CCDC167: variants seen among roughly 807,000 people sequenced by gnomAD.
CCDC167 encodes coiled-coil domain containing 167, also known as coiled-coil domain-containing protein 167.
In CCDC167, 15 loss-of-function variants were observed where a neutral mutation model predicts 12.7. The ratio of observed to expected loss-of-function variants is 1.18; its 90% confidence interval spans 0.79 to 1.81. The LOEUF (loss-of-function observed/expected upper bound fraction) is 1.81. CCDC167 is among the 40% of genes most tolerant of loss of function. The probability of loss-of-function intolerance (pLI) is 0.00; values close to 1 mark genes in which losing one functional copy is unlikely to be tolerated. For synonymous variants in CCDC167, 52 were observed against 49.0 expected (o/e 1.06, Z -0.26); for missense variants, 121 against 120.1 (o/e 1.01, Z -0.03).
chr6:37,491,979 C>T (rs548637939), intron 1 of CCDC167, among the ~76,000 whole-genome samples: 3 of 152,228 alleles, frequency 2.0e-5, no homozygotes, highest in East Asian at 3.9e-4. Flanking sequence ...CTCTGAGGGA[C>T]TCCTAGCTCC....
chr6:37,490,176 C>G (rs151021197), intron 1 of CCDC167, among the ~76,000 whole-genome samples: 139 of 152,302 alleles, frequency 9.1e-4, no homozygotes, highest in African/African-American at 3.2e-3. Context: ...GGCATCTGGC[C>G]CAGCCTGAGC....
At chr6:37,491,212 T>C (rs368135078) in intron 1 of CCDC167, among the ~76,000 whole-genome samples, 21 of 152,136 alleles carry the variant, frequency 1.4e-4, no homozygotes, top group African/African-American at 4.8e-4. Context: ...GTTGGGGGCC[T>C]CATATGCAGC....
At chr6:37,485,273 G>C in intron 1 of CCDC167, 79 bp from the exon 2 acceptor site, 1 of 1,118,512 alleles carries the variant, frequency 8.9e-7, no homozygotes, top group Admixed American at 1.8e-5. Flanking sequence ...CAGGGCCTCC[G>C]GGAGTCTTCT....
chr6:37,485,472 G>A (rs1761931097), intron 1 of CCDC167, among the ~76,000 whole-genome samples: 1 of 152,260 alleles, frequency 6.6e-6, no homozygotes, highest in Non-Finnish European at 1.5e-5. Context: ...CCAGCCCTCT[G>A]GGCCAAGCAC....
intron 2 of CCDC167, 68 bp downstream of exon 2, chr6:37,485,032 G>GA (rs1335795055): frequency 6.9e-7 from 1 of 1,455,820 alleles, no homozygotes; most frequent in Non-Finnish European, 9.5e-7. Context: ...TACTTTGGGG[G>GA]ACCCAGGATA....
chr6:37,483,275 A>C lies in CCDC167; in HGVS notation c.205T>G (p.Phe69Val), dbSNP rs774412083. ...KASNYEKELKFLRQENRKNML... is the reference protein window; with the variant it reads ...KASNYEKELKVLRQENRKNML... Reference sequence around the variant, plus strand: ...TTCTTCCGGTTCTCTTGCCGAAGAAACTTCAGTTCCTTCTCTGGGAGGAAA... The same window carrying C: ...TTCTTCCGGTTCTCTTGCCGAAGAACCTTCAGTTCCTTCTCTGGGAGGAAA... The change falls in exon 4 of 4, where the codon TTT (phenylalanine) becomes GTT (valine). Residue 69 changes from phenylalanine (F) to valine (V), a missense_variant. Phe to Val is a conservative substitution (Grantham distance 50). Coordinates refer to ENST00000373408, the MANE Select transcript of CCDC167 (RefSeq NM_138493.3). The C allele has an allele frequency of 1.2e-6, 2 of 1,613,778 alleles. No homozygotes were observed. The highest frequency in any genetic ancestry group is 1.7e-5 in the Admixed American group (1 of 60,018).
At chr6:37,499,754 C>T in intron 1 of CCDC167, 68 bp downstream of exon 1, 1 of 1,536,544 alleles carries the variant, frequency 6.5e-7, no homozygotes, top group Non-Finnish European at 9.0e-7. Context: ...ATAGCCCAGC[C>T]TATCCCTTAT....
chr6:37,485,001 C>G, intron 2 of CCDC167, 99 bp downstream of exon 2: 1 of 1,447,674 alleles, frequency 6.9e-7, no homozygotes, highest in South Asian at 1.2e-5. Flanking sequence ...TGTCAGGGAC[C>G]CAAACCCTCT....
intron 1 of CCDC167, among the ~76,000 whole-genome samples, chr6:37,498,879 T>C (rs1762130570): frequency 6.6e-6 from 1 of 152,122 alleles, no homozygotes; most frequent in Admixed American, 6.5e-5. Flanking sequence ...CCTACTGAAT[T>C]ACTCGGGGTG....
chr6:37,493,864 T>C (rs1372958542), intron 1 of CCDC167, among the ~76,000 whole-genome samples: 5 of 152,204 alleles, frequency 3.3e-5, no homozygotes, highest in Admixed American at 1.3e-4. Context: ...CCCTGAGCCC[T>C]GTGCACAGCC....
In CCDC167 at chr6:37,483,208, A is replaced by G. The variant is rs146517218; in HGVS notation, c.272T>C (p.Val91Ala). The G allele has an allele frequency of 4.5e-5, 72 of 1,614,020 alleles. 1 individual carries two copies. In the African/African-American group the frequency reaches 8.8e-4, roughly 20 times the overall value. ...SVAIFILLTL[V>A]YAYWTM ...GGCTCACATGGTCCAGTAGGCATAG[A>G]CGAGCGTCAGGAGGATAAAGATGGC... The change falls in exon 4 of 4, where the codon GTC becomes GCC. Residue 91 changes from valine to alanine, a missense_variant. Coordinates refer to ENST00000373408, the MANE Select transcript of CCDC167 (RefSeq NM_138493.3).
chr6:37,488,491 C>A (rs1761974401), intron 1 of CCDC167, among the ~76,000 whole-genome samples: 2 of 152,350 alleles, frequency 1.3e-5, no homozygotes, highest in South Asian at 4.1e-4. Flanking sequence ...ACAAGACAGC[C>A]AGGACCAGGA....
chr6:37,492,111 G>A (rs1445758187), intron 1 of CCDC167, among the ~76,000 whole-genome samples: 4 of 152,232 alleles, frequency 2.6e-5, no homozygotes, highest in African/African-American at 7.2e-5. Flanking sequence ...CTCCCTTGCA[G>A]AGGTTTTCAG....
chr6:37,484,540 T>C lies in CCDC167; in HGVS notation c.190+270A>G, dbSNP rs76358448. 5.3e-5 allele frequency among the ~76,000 whole-genome samples: 8 copies of C among 152,272 alleles called. No homozygotes were observed. The South Asian group carries it at 1.5e-3, about 28-fold the overall frequency. On this transcript the variant is annotated intron_variant, in intron 3 of 3. Transcript: ENST00000373408. ...AGACTTCCGATGTCTAGGTGAATGA[T>C]TGTCTCCTAGACCTGGCCACGGCCA...
chr6:37,492,270 A>T (rs1762032205), intron 1 of CCDC167, among the ~76,000 whole-genome samples: 1 of 152,228 alleles, frequency 6.6e-6, no homozygotes, highest in South Asian at 2.1e-4. Context: ...GTTCTGCAGA[A>T]CAGTCATTCC....
chr6:37,489,869 T>TA (rs1488502723), intron 1 of CCDC167, among the ~76,000 whole-genome samples: 6 of 152,208 alleles, frequency 3.9e-5, no homozygotes, highest in Admixed American at 1.3e-4. Flanking sequence ...GGGCAGCACT[T>TA]ACGGCTGTGA....
intron 1 of CCDC167, among the ~76,000 whole-genome samples, chr6:37,494,283 G>C (rs544490734): frequency 6.6e-6 from 1 of 152,038 alleles, no homozygotes; most frequent in Non-Finnish European, 1.5e-5. Context: ...GGCTGGTCTC[G>C]AACTCGTGAC....
chr6:37,489,141 C>T (rs1761982360), intron 1 of CCDC167, among the ~76,000 whole-genome samples: 1 of 152,160 alleles, frequency 6.6e-6, no homozygotes. Flanking sequence ...GAGGCTGAGG[C>T]AGAAGAATTG....
At chr6:37,487,006 G>A (rs1761950721) in intron 1 of CCDC167, among the ~76,000 whole-genome samples, 1 of 152,330 alleles carries the variant, frequency 6.6e-6, no homozygotes, top group African/African-American at 2.4e-5. Context: ...TGTGGCAGGG[G>A]GGTGGGGGTT....
Sources: allele counts gnomAD v4.1 joint callset (sites outside exome capture counted in the v4.1 genomes callset), GRCh38; gene constraint gnomAD v4.1.1; transcripts MANE v1.5; gene names NCBI Gene and HGNC (gene_info 2026-07-23, HGNC 2026-07-21).